Variants in HIRA observed in about 807,000 individuals in gnomAD.
HIRA encodes the protein protein HIRA.
A neutral mutation model predicts 126.6 loss-of-function variants in HIRA; 13 were observed. That is an observed-to-expected ratio of 0.10 (90% CI 0.07 to 0.16). HIRA has a LOEUF of 0.16. HIRA is among the 10% of genes least tolerant of loss of function. HIRA has a pLI of 1.00. For synonymous variants in HIRA, 511 were observed against 520.0 expected (o/e 0.98, Z 0.24); for missense variants, 834 against 1,314.4 (o/e 0.63, Z 5.65).
chr22:19,429,575 G>C (rs988161723), intron 1 of HIRA, among the ~76,000 whole-genome samples: 1 of 152,154 alleles, frequency 6.6e-6, no homozygotes, highest in Non-Finnish European at 1.5e-5. Context: ...TCCATTCTAG[G>C]GCTGTAGAGA....
intron 9 of HIRA, among the ~76,000 whole-genome samples, chr22:19,390,768 A>G (rs1462456321): frequency 6.6e-6 from 1 of 152,036 alleles, no homozygotes; most frequent in Non-Finnish European, 1.5e-5. Context: ...TTCTGTGGAC[A>G]TAAGCACTTA....
chr22:19,380,635 C>A (rs1037797479), intron 13 of HIRA, among the ~76,000 whole-genome samples: 2 of 151,914 alleles, frequency 1.3e-5, no homozygotes, highest in Non-Finnish European at 2.9e-5. Flanking sequence ...TTATTTGATA[C>A]AAAGTCTCAC....
chr22:19,426,886 T>C (rs1244395805), intron 1 of HIRA, among the ~76,000 whole-genome samples: 1 of 152,200 alleles, frequency 6.6e-6, no homozygotes, highest in Non-Finnish European at 1.5e-5. Context: ...GAGGCAAGAA[T>C]TACTGACTTC....
chr22:19,394,121 ACCT>A (rs1193549104), intron 8 of HIRA, among the ~76,000 whole-genome samples: 7 of 152,182 alleles, frequency 4.6e-5, no homozygotes. Context: ...CCCCAAGCAT[ACCT>A]GAGTGTGTAA....
At chr22:19,332,103 T>C (rs2088495651) in intron 24 of HIRA, among the ~76,000 whole-genome samples, 1 of 152,200 alleles carries the variant, frequency 6.6e-6, no homozygotes, top group African/African-American at 2.4e-5. Flanking sequence ...CGTCAGGTCA[T>C]ATTGGCACCA....
intron 15 of HIRA, among the ~76,000 whole-genome samples, chr22:19,363,902 C>T (rs750141141): frequency 3.3e-5 from 5 of 151,810 alleles, no homozygotes; most frequent in East Asian, 3.8e-4. Flanking sequence ...GACTCTGTCT[C>T]GAAAAAACCC....
At chr22:19,430,040 C>T (rs2089518955) in intron 1 of HIRA, 1 of 152,222 alleles carries the variant, frequency 6.6e-6, no homozygotes, top group Non-Finnish European at 1.5e-5. Flanking sequence ...CTTTCATGCA[C>T]AGTAAACCTA....
intron 2 of HIRA, among the ~76,000 whole-genome samples, chr22:19,410,073 G>A: frequency 6.6e-6 from 1 of 152,256 alleles, no homozygotes; most frequent in East Asian, 1.9e-4. Flanking sequence ...AAAGATGACA[G>A]AGGGCTGGGC....
At chr22:19,344,828 T>C (rs1233091578) in intron 24 of HIRA, among the ~76,000 whole-genome samples, 2 of 152,146 alleles carry the variant, frequency 1.3e-5, no homozygotes, top group Admixed American at 1.3e-4. Context: ...TGGTTTAACA[T>C]ATGAAAACCA....
chr22:19,407,644 G>A (rs752740169), intron 3 of HIRA, among the ~76,000 whole-genome samples: 1 of 152,196 alleles, frequency 6.6e-6, no homozygotes, highest in Non-Finnish European at 1.5e-5. Flanking sequence ...CTCAAAAAAA[G>A]AGTACGTGCT....
At chr22:19,347,798 G>C (rs959645663) in intron 24 of HIRA, among the ~76,000 whole-genome samples, 1 of 152,212 alleles carries the variant, frequency 6.6e-6, no homozygotes, top group African/African-American at 2.4e-5. Context: ...AATTAGCTGG[G>C]TGTAGTGGTG....
intron 1 of HIRA, among the ~76,000 whole-genome samples, chr22:19,413,278 T>G (rs2089368575): frequency 6.6e-6 from 1 of 152,132 alleles, no homozygotes; most frequent in African/African-American, 2.4e-5. Context: ...GCCTCAAGGC[T>G]CCAGGGGAAG....
At chr22:19,397,205 C>CTATGG (rs1333562317) in intron 6 of HIRA, among the ~76,000 whole-genome samples, 1 of 152,198 alleles carries the variant, frequency 6.6e-6, no homozygotes, top group Non-Finnish European at 1.5e-5. Flanking sequence ...GCGGCCCTGC[C>CTATGG]TATGGCTGCC....
At chr22:19,400,260 C>T (rs1264456830) in intron 5 of HIRA, among the ~76,000 whole-genome samples, 1 of 151,998 alleles carries the variant, frequency 6.6e-6, no homozygotes, top group East Asian at 1.9e-4. Flanking sequence ...CTATTTTTTC[C>T]TTGTGTAGTT....
In HIRA at chr22:19,387,633, G is replaced by C; in HGVS notation, c.1113+78C>G. 4 of 956,300 alleles carry C rather than the reference G, an allele frequency of 4.2e-6. No individual in the cohort carries two copies. In the South Asian group the frequency reaches 5.5e-5, roughly 13 times the overall value. 59.2% of individuals were successfully genotyped at this position (956,300 alleles called of 1,614,324 possible). On this transcript the variant is annotated intron_variant, in intron 11 of 24. Transcript: ENST00000263208. ...TGTCTGTGTATCTCACAAGAAGAGG[G>C]TGTAGTCAAAGGGGTCTCTCAGAGC... is the stretch of plus-strand genomic sequence containing the variant.
intron 1 of HIRA, among the ~76,000 whole-genome samples, chr22:19,417,999 CA>C (rs1569313230): frequency 6.6e-6 from 1 of 152,130 alleles, no homozygotes; most frequent in Non-Finnish European, 1.5e-5. Context: ...AGACAAATGT[CA>C]TAGGATTCCA....
chr22:19,371,615 T>C (rs1297377873), intron 15 of HIRA, among the ~76,000 whole-genome samples: 1 of 145,398 alleles, frequency 6.9e-6, no homozygotes, highest in African/African-American at 2.8e-5. Context: ...CTGTACCCAT[T>C]GGTACTCACT....
chr22:19,430,396 G>C (rs2089522826), intron 1 of HIRA: 1 of 152,164 alleles, frequency 6.6e-6, no homozygotes. Flanking sequence ...GTTTAGTTGT[G>C]GTAGTAGAGA....
intron 5 of HIRA, among the ~76,000 whole-genome samples, chr22:19,401,726 C>T (rs1015292677): frequency 9.9e-5 from 15 of 152,252 alleles, no homozygotes; most frequent in African/African-American, 2.2e-4. Context: ...CCAGGAAATC[C>T]GCCTCTGATC....
Sources: allele counts gnomAD v4.1 joint callset (sites outside exome capture counted in the v4.1 genomes callset), GRCh38; gene constraint gnomAD v4.1.1; transcripts MANE v1.5; gene names NCBI Gene and HGNC (gene_info 2026-07-23, HGNC 2026-07-21).